AIRIM: variants seen among roughly 807,000 people sequenced by gnomAD.
AIRIM encodes the protein AFG2 interacting ribosome maturation factor.
the AIRIM span, chr1:37,682,464 G>A: frequency 2.0e-5 from 3 of 152,590 alleles, no homozygotes; most frequent in African/African-American, 7.2e-5. Context: ...CATTTTAGGA[G>A]TCTCACCATG....
At chr1:37,683,181 A>C in the AIRIM span, 1 of 1,607,282 alleles carries the variant, frequency 6.2e-7, no homozygotes, top group Admixed American at 1.7e-5. Context: ...AAGACAGAAA[A>C]AATGGCATTA....
the AIRIM span, chr1:37,689,797 C>T: frequency 6.2e-7 from 1 of 1,612,452 alleles, no homozygotes; most frequent in Non-Finnish European, 8.5e-7. Flanking sequence ...GGGCACTCTG[C>T]CACAGGCCCT....
At chr1:37,683,722 G>C in the AIRIM span, 2 of 301,520 alleles carry the variant, frequency 6.6e-6, no homozygotes, top group Non-Finnish European at 1.3e-5. Context: ...AGGGACATGA[G>C]AGGTAAAGCT....
chr1:37,683,043 A>T, the AIRIM span: 4 of 1,414,956 alleles, frequency 2.8e-6, no homozygotes, highest in African/African-American at 4.3e-5. Context: ...TGAAATACTG[A>T]CGTTTCTTTA....
the AIRIM span, chr1:37,681,930 A>C: frequency 2.6e-5 from 4 of 152,246 alleles, no homozygotes; most frequent in African/African-American, 9.6e-5. Flanking sequence ...GTTCTTTAAA[A>C]AAATTTGTGA....
chr1:37,681,817 T>C, the AIRIM span: 2 of 152,216 alleles, frequency 1.3e-5, no homozygotes, highest in East Asian at 3.8e-4. Flanking sequence ...AAAAAGAATA[T>C]AACTGTGTTG....
At chr1:37,687,360 G>A in the AIRIM span, among the ~76,000 whole-genome samples, 3 of 151,354 alleles carry the variant, frequency 2.0e-5, no homozygotes, top group Admixed American at 6.6e-5. Context: ...TCGAACTCCC[G>A]ACCTCAGGTG....
chr1:37,685,193 G>T, the AIRIM span, among the ~76,000 whole-genome samples: 24,842 of 52,768 alleles, frequency 0.47, 3,761 homozygotes, highest in African/African-American at 0.52. Flanking sequence ...GCTTTTTTTT[G>T]GGGGGGGGGG....
the AIRIM span, among the ~76,000 whole-genome samples, chr1:37,688,612 C>T: frequency 6.6e-6 from 1 of 152,082 alleles, no homozygotes; most frequent in Non-Finnish European, 1.5e-5. Flanking sequence ...GCCTAATGAA[C>T]GTATTTTGTA....
At chr1:37,686,106 C>G in the AIRIM span, among the ~76,000 whole-genome samples, 1 of 152,034 alleles carries the variant, frequency 6.6e-6, no homozygotes, top group Non-Finnish European at 1.5e-5. Context: ...AGTAGCTACT[C>G]GATAAATTAT....
the AIRIM span, chr1:37,683,337 G>A: frequency 7.4e-6 from 12 of 1,614,108 alleles, no homozygotes; most frequent in African/African-American, 1.6e-4. Context: ...AGATCTTGGT[G>A]TTCGTCTTTT....
the AIRIM span, among the ~76,000 whole-genome samples, chr1:37,688,653 G>A: frequency 6.6e-6 from 1 of 152,088 alleles, no homozygotes; most frequent in Non-Finnish European, 1.5e-5. Flanking sequence ...CCTCATCTGT[G>A]ACAGTTTCCT....
the AIRIM span, chr1:37,682,938 G>T: frequency 1.6e-6 from 1 of 626,442 alleles, no homozygotes; most frequent in Non-Finnish European, 2.8e-6. Context: ...CCACGGCCTG[G>T]CATGCTGCAG....
At chr1:37,685,192 T>TGGGGGG in the AIRIM span, among the ~76,000 whole-genome samples, 27 of 44,740 alleles carry the variant, frequency 6.0e-4, no homozygotes, top group East Asian at 1.6e-3. Flanking sequence ...TGCTTTTTTT[T>TGGGGGG]GGGGGGGGGG....
chr1:37,683,379 G>A, the AIRIM span: 1 of 1,613,850 alleles, frequency 6.2e-7, no homozygotes, highest in Non-Finnish European at 8.5e-7. Flanking sequence ...GGCAAAGCTT[G>A]TATGTTTGCC....
chr1:37,688,316 G>A, the AIRIM span, among the ~76,000 whole-genome samples: 1 of 152,102 alleles, frequency 6.6e-6, no homozygotes, highest in Non-Finnish European at 1.5e-5. Context: ...CCAAAGTGCT[G>A]GGATTACAGC....
the AIRIM span, chr1:37,682,960 G>A: frequency 1.4e-6 from 1 of 700,592 alleles, no homozygotes; most frequent in Non-Finnish European, 2.4e-6. Flanking sequence ...TCCAAAATCA[G>A]ACATCTAGGC....
the AIRIM span, among the ~76,000 whole-genome samples, chr1:37,688,625 A>G: frequency 6.6e-5 from 10 of 152,190 alleles, no homozygotes; most frequent in African/African-American, 2.4e-4. Flanking sequence ...ATTTTGTACA[A>G]ATAAATAAAA....
At chr1:37,691,978 G>A in the AIRIM span, 1 of 153,050 alleles carries the variant, frequency 6.5e-6, no homozygotes, top group Non-Finnish European at 1.5e-5. Flanking sequence ...CGTCCCCCTT[G>A]CTCTGTCAAA....
Sources: allele counts gnomAD v4.1 joint callset (sites outside exome capture counted in the v4.1 genomes callset), GRCh38; gene constraint gnomAD v4.1.1; transcripts MANE v1.5; gene names NCBI Gene and HGNC (gene_info 2026-07-23, HGNC 2026-07-21).